The following ELMO1 variants were observed in gnomAD, a reference collection of about 807,000 sequenced individuals.
The protein encoded by ELMO1 is engulfment and cell motility 1, also known as engulfment and cell motility protein 1.
A neutral mutation model predicts 98.9 loss-of-function variants in ELMO1; 26 were observed. The observed-to-expected ratio is 0.26, with a 90% CI of 0.19 to 0.36. ELMO1 has a LOEUF of 0.36. Among genes scored for constraint, ELMO1 ranks in the 10% least tolerant of loss-of-function variants. The pLI, the probability that ELMO1 is intolerant of heterozygous loss-of-function variation, is 1.00. For synonymous variants in ELMO1, 346 were observed against 346.0 expected (o/e 1.00, Z 0.00); for missense variants, 627 against 935.2 (o/e 0.67, Z 4.30).
intron 4 of ELMO1, among the ~76,000 whole-genome samples, chr7:37,283,305 A>T (rs1797232862): frequency 6.6e-6 from 1 of 152,208 alleles, no homozygotes; most frequent in Admixed American, 6.5e-5. Context: ...CTGCTCAAAA[A>T]AAAGATTAAA....
At chr7:37,093,843 G>T (rs181600986) in intron 15 of ELMO1, among the ~76,000 whole-genome samples, 2 of 152,100 alleles carry the variant, frequency 1.3e-5, no homozygotes, top group African/African-American at 2.4e-5. Flanking sequence ...TTCCAGAATG[G>T]GCTTTGCAGA....
intron 13 of ELMO1, among the ~76,000 whole-genome samples, chr7:37,207,688 A>G (rs188333414): frequency 6.6e-6 from 1 of 152,144 alleles, no homozygotes; most frequent in Admixed American, 6.5e-5. Context: ...CATGCTTGTA[A>G]TCCCAGCACT....
intron 4 of ELMO1, among the ~76,000 whole-genome samples, chr7:37,294,103 G>A (rs1427110819): frequency 2.0e-5 from 3 of 150,394 alleles, no homozygotes; most frequent in African/African-American, 7.3e-5. Context: ...TATATTTTCA[G>A]AATCAATACA....
chr7:37,223,997 T>C lies in ELMO1; in HGVS notation c.701+882A>G, dbSNP rs76683481. On this transcript the variant is annotated intron_variant, in intron 9 of 21. Coordinates refer to ENST00000310758, the MANE Select transcript of ELMO1 (RefSeq NM_014800.11). Reference sequence around the variant, plus strand: ...ACCAGGGGCAACAGTTAGGGGGAGTTGGGTCACTGTAGTGCCAACCAAAAT... The same window carrying C: ...ACCAGGGGCAACAGTTAGGGGGAGTCGGGTCACTGTAGTGCCAACCAAAAT... Among the ~76,000 whole-genome samples, 431 of 152,222 alleles carry C rather than the reference T, an allele frequency of 2.8e-3. 2 individuals are homozygous for C. Among genetic ancestry groups the C allele is most frequent in the African/African-American group, 0.01 (420 of 41,552 alleles).
At chr7:37,140,287 G>T (rs1563029159) in intron 13 of ELMO1, among the ~76,000 whole-genome samples, 1 of 151,920 alleles carries the variant, frequency 6.6e-6, no homozygotes, top group Admixed American at 6.6e-5. Flanking sequence ...TCCGGAGGCT[G>T]AGGCAGGAGA....
At chr7:37,320,829 AC>A (rs202153719) in intron 2 of ELMO1, among the ~76,000 whole-genome samples, 4 of 151,890 alleles carry the variant, frequency 2.6e-5, no homozygotes, top group East Asian at 1.9e-4. Flanking sequence ...AACAACAACA[AC>A]AAAAAAAGCC....
intron 16 of ELMO1, among the ~76,000 whole-genome samples, chr7:36,966,823 A>C (rs1033492768): frequency 6.6e-6 from 1 of 152,270 alleles, no homozygotes; most frequent in African/African-American, 2.4e-5. Context: ...AATTAGGGCC[A>C]GTTTTATTTA....
At chr7:37,398,703 C>A (rs1803400455) in intron 1 of ELMO1, among the ~76,000 whole-genome samples, 1 of 152,212 alleles carries the variant, frequency 6.6e-6, no homozygotes, top group Non-Finnish European at 1.5e-5. Flanking sequence ...TTCTGCTGCA[C>A]CAACACCCAT....
intron 19 of ELMO1, among the ~76,000 whole-genome samples, chr7:36,871,044 A>G (rs1803461378): frequency 6.6e-6 from 1 of 152,252 alleles, no homozygotes; most frequent in South Asian, 2.1e-4. Context: ...AATTCTATAA[A>G]GCAGGTTTTA....
At chr7:37,229,949 T>C (rs1049317035) in intron 8 of ELMO1, among the ~76,000 whole-genome samples, 1 of 152,222 alleles carries the variant, frequency 6.6e-6, no homozygotes, top group African/African-American at 2.4e-5. Flanking sequence ...CTTAAGTTGT[T>C]AGAAAATTAA....
At position 36,855,140 on chromosome 7, in the gene ELMO1, T is replaced by C. The variant is rs774979890; in HGVS notation, c.*411A>G. The C allele has an allele frequency of 1.0e-4, 23 of 226,610 alleles. No individual in the cohort carries two copies. Among genetic ancestry groups the C allele is most frequent in the Non-Finnish European group, 1.8e-4 (20 of 112,894 alleles). The allele number at this position is 226,610 out of a possible 1,614,324, so 14.0% of individuals were successfully genotyped here. On this transcript the variant is annotated 3_prime_UTR_variant, in exon 22 of 22. Transcript: ENST00000310758. The surrounding 1 kb of genome is among the most constrained non-coding windows in gnomAD (Gnocchi z 4.2). ...CTCATCAAATAGCTAGGCCATTTCCTCCAGACAGGGGCCTTGGGGCACTGC... is the reference window on the plus strand; with the variant it reads ...CTCATCAAATAGCTAGGCCATTTCCCCCAGACAGGGGCCTTGGGGCACTGC...
chr7:36,990,667 T>C (rs1415929817), intron 16 of ELMO1, among the ~76,000 whole-genome samples: 3 of 152,162 alleles, frequency 2.0e-5, no homozygotes, highest in Non-Finnish European at 4.4e-5. Flanking sequence ...TTCAATCTCA[T>C]GAAATTTTAT....
intron 6 of ELMO1, among the ~76,000 whole-genome samples, chr7:37,253,878 C>T (rs1021490616): frequency 9.9e-5 from 15 of 152,122 alleles, no homozygotes; most frequent in Non-Finnish European, 1.8e-4. Flanking sequence ...AAACGACCAC[C>T]TTCTCCAGCT....
At chr7:37,177,774 G>C (rs1433789273) in intron 13 of ELMO1, among the ~76,000 whole-genome samples, 1 of 152,080 alleles carries the variant, frequency 6.6e-6, no homozygotes, top group African/African-American at 2.4e-5. Flanking sequence ...CTTACTATGT[G>C]GTATATACTG....
intron 1 of ELMO1, chr7:37,376,098 CA>C (rs1007036429): frequency 7.7e-5 from 26 of 335,534 alleles, no homozygotes; most frequent in South Asian, 1.6e-4. Context: ...AACAAACAAA[CA>C]AAAAAAACAC....
intron 13 of ELMO1, among the ~76,000 whole-genome samples, chr7:37,180,376 A>T (rs762355575): frequency 3.3e-5 from 5 of 152,208 alleles, no homozygotes; most frequent in Non-Finnish European, 7.3e-5. Flanking sequence ...AAGAACTTGA[A>T]TCTAATCATG....
Position 36,855,737 on chromosome 7 carries a change from C to T in ELMO1, c.1998G>A (p.Thr666=), listed in dbSNP as rs13246439. Residue 666 remains threonine, a synonymous_variant, in exon 22 of 22, where the codon ACG becomes ACA. Transcript: ENST00000310758. This position sits in a 1 kb window ranked among gnomAD's most constrained non-coding sequence, Gnocchi z 4.2. ...TCCCGAGTAGCGCATTCAGTCCATC[C>T]GTCCAGATACAGTACTGGCAGGAAG... The part of the protein sequence containing the change: ...APDKHEYCIW[T]DGLNALLGKD... The T allele has an allele frequency of 0.1, 164,154 of 1,613,828 alleles. 8,812 individuals carry two copies. Among genetic ancestry groups the T allele is most frequent in the Middle Eastern group, 0.16 (982 of 6,004 alleles).
intron 1 of ELMO1, among the ~76,000 whole-genome samples, chr7:37,438,450 A>T (rs1255062877): frequency 4.5e-5 from 6 of 133,910 alleles, no homozygotes; most frequent in Admixed American, 7.5e-5. Context: ...AAAAAAAAAA[A>T]TTAGCCGGGC....
chr7:36,977,868 G>A (rs1391940775), intron 16 of ELMO1, among the ~76,000 whole-genome samples: 1 of 152,210 alleles, frequency 6.6e-6, no homozygotes, highest in Non-Finnish European at 1.5e-5. Flanking sequence ...ATGCATAGGT[G>A]AATACACAGA....
Sources: gnomAD v4.1 joint callset for allele counts (sites outside exome capture counted in the v4.1 genomes callset) on GRCh38, gnomAD v4.1.1 for gene constraint, Gnocchi (gnomAD v3.1) non-coding constraint, MANE v1.5 for transcripts, NCBI Gene and HGNC (gene_info 2026-07-23, HGNC 2026-07-21) for gene names.